Variants in TENM2 observed in about 807,000 individuals in gnomAD.
TENM2 encodes teneurin-2.
In TENM2, 52 loss-of-function variants were observed where a neutral mutation model predicts 245.2. That is an observed-to-expected ratio of 0.21 (90% CI 0.17 to 0.27). The LOEUF (loss-of-function observed/expected upper bound fraction) is 0.27, where lower values mean the gene tolerates loss of function less well. TENM2 is among the 10% of genes least tolerant of loss of function. The pLI is 1.00. For missense variants in TENM2, 3,046 were observed against 3,666.8 expected (o/e 0.83, Z 4.37); for synonymous variants, 1,363 against 1,438.9 (o/e 0.95, Z 1.19).
At chr5:167,676,549 A>G (rs1215124269) in intron 2 of TENM2, among the ~76,000 whole-genome samples, 1 of 152,116 alleles carries the variant, frequency 6.6e-6, no homozygotes, top group African/African-American at 2.4e-5. Flanking sequence ...ATCCTGTCAC[A>G]CATAGAATAT....
intron 1 of TENM2, among the ~76,000 whole-genome samples, chr5:167,350,891 GTATACATATGGATATATATATGGGA>G (rs1561883971): frequency 2.0e-4 from 6 of 29,612 alleles, no homozygotes; most frequent in East Asian, 8.4e-4. Context: ...TATATGGGAT[GTATACATATGGATATATATATGGGA>G]TATATACATA....
intron 7 of TENM2, among the ~76,000 whole-genome samples, chr5:168,072,720 T>A (rs752271983): frequency 6.6e-6 from 1 of 152,186 alleles, no homozygotes; most frequent in Non-Finnish European, 1.5e-5. Context: ...AAATGAGGAC[T>A]ATACCTCATC....
chr5:167,520,636 A>G (rs1770690900), intron 2 of TENM2, among the ~76,000 whole-genome samples: 1 of 152,110 alleles, frequency 6.6e-6, no homozygotes, highest in East Asian at 1.9e-4. Context: ...AGACTTCTGC[A>G]GAATAGAGTT....
chr5:168,134,557 A>G lies in TENM2; in HGVS notation c.2422+7591A>G, dbSNP rs1754877844. ...AAAAAATTAGCTGGGTGTGGTGGCG[A>G]GCACCTGTAATCCTAGCTACTCAGG... On this transcript the variant is annotated intron_variant, in intron 12 of 28. Transcript: ENST00000518659. 2.0e-5 allele frequency among the ~76,000 whole-genome samples: 3 copies of G among 151,860 alleles called. No homozygotes were observed. In the South Asian group the frequency reaches 6.2e-4, roughly 32 times the overall value.
chr5:168,000,364 C>T (rs975802725), intron 5 of TENM2, among the ~76,000 whole-genome samples: 1 of 152,184 alleles, frequency 6.6e-6, no homozygotes, highest in African/African-American at 2.4e-5. Context: ...GGTAGTTAGA[C>T]AAGAAGCAGC....
chr5:167,880,549 A>C (rs1314618739), intron 3 of TENM2, among the ~76,000 whole-genome samples: 3 of 152,188 alleles, frequency 2.0e-5, no homozygotes, highest in Admixed American at 6.5e-5. Context: ...GATAAAAGCA[A>C]ATCAGTCATT....
At chr5:167,393,912 A>T (rs1761909080) in intron 2 of TENM2, among the ~76,000 whole-genome samples, 1 of 152,164 alleles carries the variant, frequency 6.6e-6, no homozygotes, top group African/African-American at 2.4e-5. Context: ...TTGGCTGAGA[A>T]GTGTCTGCAA....
intron 5 of TENM2, among the ~76,000 whole-genome samples, chr5:168,026,539 G>A (rs532090828): frequency 1.3e-5 from 2 of 152,272 alleles, no homozygotes; most frequent in South Asian, 2.1e-4. Context: ...TATCCACATA[G>A]CTATTAATTT....
intron 5 of TENM2, among the ~76,000 whole-genome samples, chr5:168,045,938 T>C (rs868094805): frequency 5.3e-5 from 8 of 152,192 alleles, no homozygotes; most frequent in African/African-American, 1.9e-4. Flanking sequence ...AGGTGTTACC[T>C]TGATGGAAAG....
intron 14 of TENM2, 163 bp downstream of exon 16, chr5:168,190,710 T>G: frequency 1.6e-6 from 1 of 608,104 alleles, no homozygotes; most frequent in South Asian, 2.0e-5. Context: ...CTTTCCTCAC[T>G]TTGTGTTGGG....
chr5:167,568,268 A>G (rs577091060), intron 2 of TENM2, among the ~76,000 whole-genome samples: 2 of 152,312 alleles, frequency 1.3e-5, no homozygotes, highest in African/African-American at 4.8e-5. Flanking sequence ...AAAGGATAGC[A>G]TACATTTAAC....
intron 2 of TENM2, among the ~76,000 whole-genome samples, chr5:167,492,364 T>C (rs1485250189): frequency 5.9e-5 from 9 of 152,202 alleles, no homozygotes; most frequent in Admixed American, 4.6e-4. Flanking sequence ...ATGACATTAT[T>C]AAAATTATTA....
At chr5:168,063,361 T>C (rs1790212863) in intron 7 of TENM2, among the ~76,000 whole-genome samples, 1 of 152,152 alleles carries the variant, frequency 6.6e-6, no homozygotes, top group African/African-American at 2.4e-5. Context: ...TTTGTCGTGG[T>C]GGAAGTTCTA....
At chr5:168,008,124 T>G (rs2152067546) in intron 5 of TENM2, among the ~76,000 whole-genome samples, 1 of 152,278 alleles carries the variant, frequency 6.6e-6, no homozygotes, top group African/African-American at 2.4e-5. Context: ...TCCCAAGGGC[T>G]GGAATAGTTG....
At chr5:167,945,193 A>G (rs1779510548) in intron 3 of TENM2, among the ~76,000 whole-genome samples, 1 of 152,214 alleles carries the variant, frequency 6.6e-6, no homozygotes, top group Admixed American at 6.5e-5. Flanking sequence ...TATACAGACA[A>G]GTGAGACAGA....
intron 3 of TENM2, among the ~76,000 whole-genome samples, chr5:167,919,664 A>G (rs1438694787): frequency 6.6e-6 from 1 of 152,208 alleles, no homozygotes; most frequent in African/African-American, 2.4e-5. Flanking sequence ...AGGGGGATGC[A>G]TTTTGTTTGG....
chr5:166,992,962 C>T, the TENM2 span, among the ~76,000 whole-genome samples: 6 of 152,212 alleles, frequency 3.9e-5, no homozygotes, highest in Admixed American at 2.6e-4. Context: ...TGCTCAGTTG[C>T]GCATTGCCAG....
At chr5:167,197,265 C>T in the TENM2 span, among the ~76,000 whole-genome samples, 7 of 152,072 alleles carry the variant, frequency 4.6e-5, no homozygotes, top group African/African-American at 9.7e-5. Context: ...CCTTCCAAAG[C>T]GTGTGCTATT....
chr5:167,559,041 A>T (rs1338631399), intron 2 of TENM2, among the ~76,000 whole-genome samples: 1 of 152,208 alleles, frequency 6.6e-6, no homozygotes, highest in African/African-American at 2.4e-5. Context: ...GGCCTGGCAC[A>T]TAGTGGGAGC....
Sources: allele counts gnomAD v4.1 joint callset (sites outside exome capture counted in the v4.1 genomes callset), GRCh38; gene constraint gnomAD v4.1.1; transcripts MANE v1.5; gene names NCBI Gene and HGNC (gene_info 2026-07-23, HGNC 2026-07-21).